PLCB1: variants seen among roughly 807,000 people sequenced by gnomAD.
PLCB1 encodes the protein 1-phosphatidylinositol 4,5-bisphosphate phosphodiesterase beta-1.
In PLCB1, 46 loss-of-function variants were observed where a neutral mutation model predicts 161.8. That is an observed-to-expected ratio of 0.28 (90% confidence interval 0.22 to 0.36). The LOEUF is 0.36. PLCB1 is among the 10% of genes least tolerant of loss of function. PLCB1 has a pLI of 1.00. For synonymous variants in PLCB1, 517 were observed against 503.7 expected (o/e 1.03, Z -0.35); for missense variants, 1,016 against 1,472.5 (o/e 0.69, Z 5.07).
intron 2 of PLCB1, among the ~76,000 whole-genome samples, chr20:8,259,392 G>A (rs914572636): frequency 3.3e-5 from 5 of 152,028 alleles, no homozygotes; most frequent in African/African-American, 9.7e-5. Flanking sequence ...TGAGGTAGGC[G>A]GATCACTTGA....
Position 8,731,068 on chromosome 20 carries a change from C to T in PLCB1, c.1888+1894C>T, listed in dbSNP as rs536113712. Among the ~76,000 whole-genome samples the T allele has an allele frequency of 2.0e-5, 3 of 151,888 alleles. No homozygotes were observed. In the East Asian group the frequency reaches 5.8e-4, roughly 29 times the overall value. ...CGTTCTCAGGTATTAAATGAGGGTT[C>T]CGAGTGGGCATCTTTCTTTTTTATT... On this transcript the variant is annotated intron_variant, in intron 18 of 31. Coordinates refer to ENST00000338037, the MANE Select transcript of PLCB1 (RefSeq NM_015192.4).
At chr20:8,543,532 C>G (rs995949889) in intron 3 of PLCB1, among the ~76,000 whole-genome samples, 1 of 149,930 alleles carries the variant, frequency 6.7e-6, no homozygotes, top group African/African-American at 2.5e-5. Context: ...AATGGAATTA[C>G]ACTCATGTAT....
At chr20:8,556,481 G>T (rs913055093) in intron 3 of PLCB1, among the ~76,000 whole-genome samples, 8 of 152,052 alleles carry the variant, frequency 5.3e-5, no homozygotes, top group Non-Finnish European at 1.2e-4. Flanking sequence ...CTTTGAAAAA[G>T]ATTCCTTATA....
intron 3 of PLCB1, among the ~76,000 whole-genome samples, chr20:8,398,057 C>T (rs1978371174): frequency 6.6e-6 from 1 of 151,988 alleles, no homozygotes; most frequent in African/African-American, 2.4e-5. Context: ...CAGTGTATTA[C>T]AGAATCTTTA....
intron 31 of PLCB1, among the ~76,000 whole-genome samples, chr20:8,850,749 C>A (rs578126827): frequency 1.3e-5 from 2 of 152,148 alleles, no homozygotes; most frequent in African/African-American, 2.4e-5. Context: ...CCTCACCAGA[C>A]GCCAAATCTT....
At chr20:8,206,290 A>T (rs1194567762) in intron 2 of PLCB1, among the ~76,000 whole-genome samples, 3 of 152,060 alleles carry the variant, frequency 2.0e-5, no homozygotes, top group Admixed American at 2.0e-4. Flanking sequence ...TCCTTCTCCC[A>T]CCTTCTTGGT....
rs550656767 is a variant in PLCB1, at chr20:8,279,097, C to G, written c.178-92285C>G. 7.9e-4 allele frequency among the ~76,000 whole-genome samples: 120 copies of G among 152,128 alleles called. 1 individual carries two copies. The highest frequency in any genetic ancestry group is 1.8e-4 in the Non-Finnish European group (12 of 67,992). ...CAGCTGCTGTGGAAAAAAGTTTATCCATTCCTCAAAAAGTTAAACATAGAA... is the reference window on the plus strand; with the variant it reads ...CAGCTGCTGTGGAAAAAAGTTTATCGATTCCTCAAAAAGTTAAACATAGAA... On this transcript the variant is annotated intron_variant, in intron 2 of 31. Coordinates refer to ENST00000338037, the MANE Select transcript of PLCB1 (RefSeq NM_015192.4).
intron 2 of PLCB1, among the ~76,000 whole-genome samples, chr20:8,158,487 C>T (rs766021553): frequency 1.6e-4 from 24 of 152,108 alleles, no homozygotes; most frequent in Non-Finnish European, 3.1e-4. Flanking sequence ...ACAGCCAAAC[C>T]ATATCATTCT....
At chr20:8,344,618 C>A (rs899665592) in intron 2 of PLCB1, among the ~76,000 whole-genome samples, 3 of 151,702 alleles carry the variant, frequency 2.0e-5, no homozygotes, top group African/African-American at 7.3e-5. Context: ...TCCAGCGATT[C>A]CCTGAAAAAG....
intron 19 of PLCB1, among the ~76,000 whole-genome samples, chr20:8,735,737 G>A (rs1980548396): frequency 6.6e-6 from 1 of 152,182 alleles, no homozygotes; most frequent in South Asian, 2.1e-4. Context: ...GTTTTGAAAT[G>A]CTTGCTTATT....
rs139841463 is a variant in PLCB1 at position 8,675,458 on chromosome 20, A to G, written c.863-9474A>G. ...GCATACTTCTCATTAGAAAAAATATAAAGAAAGCCAGGGAATCCCATGATA... is the reference window on the plus strand; with the variant it reads ...GCATACTTCTCATTAGAAAAAATATGAAGAAAGCCAGGGAATCCCATGATA... On this transcript the variant is annotated intron_variant, in intron 9 of 31. Transcript: ENST00000338037. 1.8e-3 allele frequency among the ~76,000 whole-genome samples: 267 copies of G among 152,292 alleles called. 1 individual carries two copies. Among genetic ancestry groups the G allele is most frequent in the African/African-American group, 6.4e-3 (264 of 41,564 alleles).
chr20:8,682,938 C>A (rs1052972590), intron 9 of PLCB1, among the ~76,000 whole-genome samples: 4 of 151,996 alleles, frequency 2.6e-5, no homozygotes, highest in Admixed American at 1.3e-4. Context: ...ACCATCAGAG[C>A]AGTCAATGCA....
intron 3 of PLCB1, among the ~76,000 whole-genome samples, chr20:8,539,117 T>TA (rs1985172287): frequency 6.6e-6 from 1 of 152,112 alleles, no homozygotes; most frequent in Admixed American, 6.6e-5. Flanking sequence ...CCCCTCTCCT[T>TA]AAAAAAGTAA....
intron 3 of PLCB1, among the ~76,000 whole-genome samples, chr20:8,514,105 G>A (rs920891171): frequency 6.6e-6 from 1 of 152,000 alleles, no homozygotes; most frequent in African/African-American, 2.4e-5. Flanking sequence ...CACTTAGGGA[G>A]GCCAGAGTGG....
intron 9 of PLCB1, among the ~76,000 whole-genome samples, chr20:8,660,743 A>C (rs1338901387): frequency 1.3e-5 from 2 of 152,230 alleles, no homozygotes; most frequent in Non-Finnish European, 2.9e-5. Flanking sequence ...CGAAAGAGGC[A>C]CACAAAATAT....
At chr20:8,516,546 G>T (rs1353469939) in intron 3 of PLCB1, among the ~76,000 whole-genome samples, 1 of 151,656 alleles carries the variant, frequency 6.6e-6, no homozygotes, top group African/African-American at 2.4e-5. Flanking sequence ...AATGTTGAAA[G>T]TCTCTGAGTT....
chr20:8,722,065 C>T (rs1050374332), intron 14 of PLCB1, among the ~76,000 whole-genome samples: 2 of 152,076 alleles, frequency 1.3e-5, no homozygotes, highest in African/African-American at 4.8e-5. Context: ...TTTTCAATGC[C>T]ACGTGTTTAA....
chr20:8,728,817 T>C (rs1980078648), intron 17 of PLCB1, among the ~76,000 whole-genome samples: 1 of 152,060 alleles, frequency 6.6e-6, no homozygotes, highest in Non-Finnish European at 1.5e-5. Flanking sequence ...TTTTTGCATA[T>C]TTGATATTAC....
chr20:8,705,147 C>T (rs1978599029), intron 11 of PLCB1, among the ~76,000 whole-genome samples: 1 of 151,928 alleles, frequency 6.6e-6, no homozygotes. Context: ...ATCTGGGCAC[C>T]CCATGACCCA....
Sources: allele counts gnomAD v4.1 joint callset (sites outside exome capture counted in the v4.1 genomes callset), GRCh38; gene constraint gnomAD v4.1.1; transcripts MANE v1.5; gene names NCBI Gene and HGNC (gene_info 2026-07-23, HGNC 2026-07-21).